Variants in RORA observed in about 807,000 individuals in gnomAD.
RORA encodes the protein RAR related orphan receptor A.
In RORA, 7 loss-of-function variants were observed where a neutral mutation model predicts 69.5. The ratio of observed to expected loss-of-function variants is 0.10; its 90% confidence interval spans 0.06 to 0.19. RORA has a LOEUF of 0.19. Among genes scored for constraint, RORA ranks in the 10% least tolerant of loss-of-function variants. The probability of loss-of-function intolerance (pLI) is 1.00; values close to 1 mark genes in which losing one functional copy is unlikely to be tolerated. For missense variants in RORA, 457 were observed against 663.0 expected (o/e 0.69, Z 3.41); for synonymous variants, 261 against 240.8 (o/e 1.08, Z -0.78).
At chr15:61,059,988 G>GGAAGAAGGAGAAGAAGAA (rs2078156018) in intron 1 of RORA, among the ~76,000 whole-genome samples, 2 of 85,910 alleles carry the variant, frequency 2.3e-5, no homozygotes, top group African/African-American at 5.1e-5. Context: ...AAGAGGAAGA[G>GGAAGAAGGAGAAGAAGAA]GAAGAAGAAG....
chr15:60,895,201 C>A (rs1052495974), intron 1 of RORA, among the ~76,000 whole-genome samples: 1 of 152,114 alleles, frequency 6.6e-6, no homozygotes, highest in African/African-American at 2.4e-5. Context: ...CCTTGATACC[C>A]GGAGGCAAGA....
At chr15:60,525,643 T>C (rs2066328974) in intron 3 of RORA, among the ~76,000 whole-genome samples, 1 of 152,356 alleles carries the variant, frequency 6.6e-6, no homozygotes, top group South Asian at 2.1e-4. Context: ...TGTGATTTAT[T>C]GTGAATGCTC....
chr15:61,091,089 A>C (rs2078699471), intron 1 of RORA, among the ~76,000 whole-genome samples: 1 of 152,174 alleles, frequency 6.6e-6, no homozygotes. Flanking sequence ...TTTTCCGGTT[A>C]ACATCTAACT....
intron 1 of RORA, among the ~76,000 whole-genome samples, chr15:60,889,156 G>C (rs2073784281): frequency 6.6e-6 from 1 of 152,172 alleles, no homozygotes; most frequent in Non-Finnish European, 1.5e-5. Context: ...CCATTATCCT[G>C]GCTGCAGCTG....
At chr15:60,604,132 CAAAAAAAAA>C (rs3053857) in intron 2 of RORA, among the ~76,000 whole-genome samples, 1 of 91,982 alleles carries the variant, frequency 1.1e-5, no homozygotes, top group Non-Finnish European at 2.1e-5. Context: ...GACTCTGTCT[CAAAAAAAAA>C]AAAAAAAAAA....
chr15:60,722,044 C>A (rs566955766), intron 1 of RORA, among the ~76,000 whole-genome samples: 2 of 152,248 alleles, frequency 1.3e-5, no homozygotes, highest in Non-Finnish European at 2.9e-5. Flanking sequence ...TCTAAATGAT[C>A]ACAATTACTG....
chr15:60,777,915 A>G (rs1488943716), intron 1 of RORA, among the ~76,000 whole-genome samples: 1 of 152,220 alleles, frequency 6.6e-6, no homozygotes, highest in Non-Finnish European at 1.5e-5. Flanking sequence ...TTGCCTCACA[A>G]AAGCACATCT....
chr15:60,549,513 A>ATACT (rs1405980464), intron 2 of RORA, among the ~76,000 whole-genome samples: 273 of 152,292 alleles, frequency 1.8e-3, no homozygotes, highest in African/African-American at 6.1e-3. Context: ...GTTTCTCAGG[A>ATACT]TCTCACATGT....
chr15:60,540,162 T>C (rs2066815490), intron 2 of RORA, among the ~76,000 whole-genome samples: 1 of 152,220 alleles, frequency 6.6e-6, no homozygotes, highest in South Asian at 2.1e-4. Flanking sequence ...TGCATACGTA[T>C]TTTCTTGCGA....
intron 1 of RORA, among the ~76,000 whole-genome samples, chr15:60,794,332 T>G (rs1278568290): frequency 1.3e-5 from 2 of 152,202 alleles, no homozygotes; most frequent in African/African-American, 4.8e-5. Context: ...TGCACACATA[T>G]TCCATGTTTA....
At chr15:60,736,169 C>G (rs1411174084) in intron 1 of RORA, among the ~76,000 whole-genome samples, 1 of 152,166 alleles carries the variant, frequency 6.6e-6, no homozygotes, top group African/African-American at 2.4e-5. Context: ...GAGTGGGGCC[C>G]AGATTCAGTC....
At chr15:60,605,136 T>C (rs1369762176) in intron 2 of RORA, among the ~76,000 whole-genome samples, 2 of 152,164 alleles carry the variant, frequency 1.3e-5, no homozygotes, top group African/African-American at 4.8e-5. Flanking sequence ...TCTGTCAACC[T>C]AGCTATGTTC....
chr15:61,212,559 T>G (rs2080003042), intron 1 of RORA, among the ~76,000 whole-genome samples: 1 of 152,078 alleles, frequency 6.6e-6, no homozygotes, highest in East Asian at 1.9e-4. Flanking sequence ...ACCTGGCTAA[T>G]TTTTGTATTT....
chr15:60,847,670 A>C (rs541469203), intron 1 of RORA: 1 of 152,282 alleles, frequency 6.6e-6, no homozygotes, highest in African/African-American at 2.4e-5. Context: ...GATATTGAAG[A>C]TGTGGTACAA....
chr15:60,642,415 A>C lies in RORA; in HGVS notation c.196+36242T>G, dbSNP rs529331649. 1.2e-3 allele frequency among the ~76,000 whole-genome samples: 185 copies of C among 152,310 alleles called. 1 individual carries two copies. The highest frequency in any genetic ancestry group is 4.2e-3 in the African/African-American group (176 of 41,572). On this transcript the variant is annotated intron_variant, in intron 2 of 10. Transcript: ENST00000335670. Reference sequence around the variant, plus strand: ...GCAGAGTTGGTCCAGTCAGTGTAGGACATTTCCAACAGTCTGGCCTCATAC... The same window carrying C: ...GCAGAGTTGGTCCAGTCAGTGTAGGCCATTTCCAACAGTCTGGCCTCATAC...
intron 1 of RORA, among the ~76,000 whole-genome samples, chr15:60,692,950 T>C (rs1401052882): frequency 1.3e-5 from 2 of 152,144 alleles, no homozygotes; most frequent in East Asian, 1.9e-4. Context: ...ACACATTCTA[T>C]GAGGCCAGCA....
intron 1 of RORA, among the ~76,000 whole-genome samples, chr15:61,148,008 G>C (rs2079365821): frequency 6.6e-6 from 1 of 152,220 alleles, no homozygotes; most frequent in African/African-American, 2.4e-5. Context: ...TTTGCTTCCA[G>C]AAGGATCATT....
At chr15:61,163,372 T>C (rs1383472622) in intron 1 of RORA, among the ~76,000 whole-genome samples, 1 of 152,086 alleles carries the variant, frequency 6.6e-6, no homozygotes, top group Non-Finnish European at 1.5e-5. Flanking sequence ...CACCTAGCAA[T>C]ATCTATTCAG....
At chr15:60,690,769 CA>C (rs1329169601) in intron 1 of RORA, among the ~76,000 whole-genome samples, 1 of 152,140 alleles carries the variant, frequency 6.6e-6, no homozygotes, top group African/African-American at 2.4e-5. Flanking sequence ...AGGAGCAGAG[CA>C]AAAAGTAGCA....
Sources: gnomAD v4.1 joint callset for allele counts (sites outside exome capture counted in the v4.1 genomes callset) on GRCh38, gnomAD v4.1.1 for gene constraint, MANE v1.5 for transcripts, NCBI Gene and HGNC (gene_info 2026-07-23, HGNC 2026-07-21) for gene names.